The following RANBP17 variants were observed in gnomAD, a reference collection of about 807,000 sequenced individuals.
The protein encoded by RANBP17 is ran-binding protein 17.
Under a neutral mutation model 141.2 loss-of-function variants are expected in RANBP17, and 158 were observed. The ratio of observed to expected loss-of-function variants is 1.12; its 90% CI spans 0.98 to 1.28. The LOEUF is 1.28. Among genes scored for constraint, RANBP17 ranks in the 50% most tolerant of loss-of-function variants. The probability of loss-of-function intolerance (pLI) is 0.00; values close to 1 mark genes in which losing one functional copy is unlikely to be tolerated. For missense variants in RANBP17, 1,438 were observed against 1,290.7 expected, an observed-to-expected ratio of 1.11 and a Z score of -1.75; for synonymous variants, 430 against 450.0, an observed-to-expected ratio of 0.96 and a Z score of 0.56.
chr5:171,109,759 T>C (rs1219312998), intron 14 of RANBP17, among the ~76,000 whole-genome samples: 1 of 152,188 alleles, frequency 6.6e-6, no homozygotes, highest in Non-Finnish European at 1.5e-5. Flanking sequence ...CCCCATATTT[T>C]CAATCTGCGA....
At chr5:170,991,991 G>A (rs138201327) in intron 14 of RANBP17, among the ~76,000 whole-genome samples, 172 of 152,058 alleles carry the variant, frequency 1.1e-3, no homozygotes, top group African/African-American at 3.9e-3. Flanking sequence ...TTTGGGGCAT[G>A]TATTTATGGT....
chr5:170,970,755 G>A (rs1348890696), intron 14 of RANBP17: 1 of 151,986 alleles, frequency 6.6e-6, no homozygotes, highest in South Asian at 2.1e-4. Context: ...TGTTATCAGA[G>A]ACCCCATCCT....
intron 20 of RANBP17, among the ~76,000 whole-genome samples, chr5:171,212,031 G>C (rs535176287): frequency 6.6e-6 from 1 of 152,268 alleles, no homozygotes; most frequent in East Asian, 1.9e-4. Context: ...CTTATAATAG[G>C]AGAGATATAC....
chr5:171,242,942 G>A, intron 24 of RANBP17, 122 bp downstream of exon 24: 1 of 874,352 alleles, frequency 1.1e-6, no homozygotes, highest in Non-Finnish European at 1.8e-6. Flanking sequence ...CAAACTGAAA[G>A]ATTATAATTA....
At chr5:170,956,419 A>C (rs1264002676) in intron 13 of RANBP17, among the ~76,000 whole-genome samples, 1 of 152,106 alleles carries the variant, frequency 6.6e-6, no homozygotes, top group Non-Finnish European at 1.5e-5. Context: ...TAAAATGTGA[A>C]TCTTCATGGA....
At chr5:171,247,658 T>G (rs991952304) in intron 24 of RANBP17, among the ~76,000 whole-genome samples, 1 of 152,176 alleles carries the variant, frequency 6.6e-6, no homozygotes, top group African/African-American at 2.4e-5. Flanking sequence ...AACCCGCAAC[T>G]CTTATGCACA....
At chr5:171,022,926 G>A (rs774511464) in intron 14 of RANBP17, among the ~76,000 whole-genome samples, 42 of 152,202 alleles carry the variant, frequency 2.8e-4, no homozygotes, top group African/African-American at 9.6e-4. Context: ...TTGTGAGTGA[G>A]ATCATCCAAT....
At chr5:170,975,146 A>G (rs796696611) in intron 14 of RANBP17, among the ~76,000 whole-genome samples, 11 of 152,252 alleles carry the variant, frequency 7.2e-5, no homozygotes, top group African/African-American at 2.6e-4. Flanking sequence ...TTTCCTTTTG[A>G]TTGACCATTT....
At chr5:171,132,489 G>A (rs1304367968) in intron 14 of RANBP17, among the ~76,000 whole-genome samples, 2 of 152,022 alleles carry the variant, frequency 1.3e-5, no homozygotes, top group African/African-American at 4.8e-5. Context: ...TTGGGAGGCC[G>A]AGATGGGAGG....
chr5:170,899,126 A>G (rs1770397849), intron 5 of RANBP17, among the ~76,000 whole-genome samples: 1 of 152,168 alleles, frequency 6.6e-6, no homozygotes, highest in South Asian at 2.1e-4. Flanking sequence ...GGCCATTTTC[A>G]CAATATTGAT....
At chr5:171,027,458 G>A (rs1285393820) in intron 14 of RANBP17, among the ~76,000 whole-genome samples, 1 of 151,994 alleles carries the variant, frequency 6.6e-6, no homozygotes, top group Non-Finnish European at 1.5e-5. Flanking sequence ...TTTTCTATTT[G>A]TGAGATTTGC....
intron 14 of RANBP17, among the ~76,000 whole-genome samples, chr5:171,058,688 G>A (rs1783585501): frequency 6.7e-6 from 1 of 150,346 alleles, no homozygotes; most frequent in South Asian, 2.1e-4. Context: ...GTAATGGGAT[G>A]GCTGGGTCAA....
chr5:171,286,934 TTTTG>T (rs1171316886), intron 25 of RANBP17, among the ~76,000 whole-genome samples: 7 of 152,180 alleles, frequency 4.6e-5, no homozygotes, highest in Non-Finnish European at 8.8e-5. Context: ...CAATCATGTT[TTTTG>T]TTTGTTTGTT....
At chr5:170,886,025 A>G (rs924387020) in intron 3 of RANBP17, among the ~76,000 whole-genome samples, 4 of 152,130 alleles carry the variant, frequency 2.6e-5, no homozygotes, top group South Asian at 2.1e-4. Context: ...GGCTTTTTCT[A>G]TAACAACAAT....
intron 14 of RANBP17, among the ~76,000 whole-genome samples, chr5:171,095,496 G>A (rs1015638903): frequency 1.3e-5 from 2 of 152,152 alleles, no homozygotes; most frequent in Admixed American, 6.5e-5. Context: ...CAAATAAAAA[G>A]AAAGGACAGT....
chr5:171,084,208 A>G (rs940466486), intron 14 of RANBP17, among the ~76,000 whole-genome samples: 37 of 148,332 alleles, frequency 2.5e-4, no homozygotes, highest in African/African-American at 8.4e-4. Flanking sequence ...GAGAATATGC[A>G]GTGTTTGTTT....
intron 13 of RANBP17, among the ~76,000 whole-genome samples, chr5:170,956,568 A>T (rs1004858591): frequency 1.3e-4 from 19 of 151,730 alleles, no homozygotes; most frequent in African/African-American, 4.1e-4. Flanking sequence ...TTTGCTACTC[A>T]ATCTCTCGAG....
At chr5:171,061,360 T>G (rs1237802135) in intron 14 of RANBP17, among the ~76,000 whole-genome samples, 1 of 152,184 alleles carries the variant, frequency 6.6e-6, no homozygotes, top group Non-Finnish European at 1.5e-5. Flanking sequence ...TGGTATGTTG[T>G]GTCTTTGTTC....
chr5:171,199,968 T>G (rs75804985), intron 19 of RANBP17, among the ~76,000 whole-genome samples, 195 bp downstream of exon 19: 1 of 152,322 alleles, frequency 6.6e-6, no homozygotes, highest in Non-Finnish European at 1.5e-5. Flanking sequence ...GGTCAGCAAA[T>G]AGTTTTGGAC....
Sources: allele counts gnomAD v4.1 joint callset (sites outside exome capture counted in the v4.1 genomes callset), GRCh38; gene constraint gnomAD v4.1.1; transcripts MANE v1.5; gene names NCBI Gene and HGNC (gene_info 2026-07-23, HGNC 2026-07-21).